The following PBX3 variants were observed in gnomAD, a reference collection of about 807,000 sequenced individuals.
PBX3 encodes the protein pre-B-cell leukemia transcription factor 3.
Under a neutral mutation model 48.5 loss-of-function variants are expected in PBX3, and 14 were observed. That is an observed-to-expected ratio of 0.29 (90% CI 0.19 to 0.45). PBX3 has a LOEUF of 0.45. Among genes scored for constraint, PBX3 ranks in the 20% least tolerant of loss-of-function variants. The pLI, the probability that PBX3 is intolerant of heterozygous loss-of-function variation, is 1.00. For missense variants in PBX3, 386 were observed against 546.7 expected, an observed-to-expected ratio of 0.71 and a Z score of 2.93; for synonymous variants, 210 against 200.3, an observed-to-expected ratio of 1.05 and a Z score of -0.41.
chr9:125,752,018 T>C (rs1836389658), intron 2 of PBX3, among the ~76,000 whole-genome samples: 2 of 152,164 alleles, frequency 1.3e-5, no homozygotes, highest in Admixed American at 1.3e-4. Context: ...TCCCACATTT[T>C]AGTAGATAAT....
intron 2 of PBX3, among the ~76,000 whole-genome samples, chr9:125,785,422 C>T (rs1364309766): frequency 6.6e-6 from 1 of 152,168 alleles, no homozygotes; most frequent in Non-Finnish European, 1.5e-5. Context: ...TCATCTTTCT[C>T]CCATGCTGGA....
intron 2 of PBX3, among the ~76,000 whole-genome samples, chr9:125,791,758 A>AC (rs1429471136): frequency 6.6e-6 from 1 of 151,352 alleles, no homozygotes; most frequent in Non-Finnish European, 1.5e-5. Context: ...ACACGGTGAA[A>AC]CCCCGTCTCT....
chr9:125,802,675 T>G (rs1377713458), intron 2 of PBX3, among the ~76,000 whole-genome samples: 1 of 13,930 alleles, frequency 7.2e-5, no homozygotes, highest in African/African-American at 6.4e-4. Context: ...GGCCAATACA[T>G]TTTTTTTTTG....
intron 2 of PBX3, among the ~76,000 whole-genome samples, chr9:125,847,992 G>A (rs1839472511): frequency 6.6e-6 from 1 of 151,994 alleles, no homozygotes; most frequent in Admixed American, 6.6e-5. Context: ...ATGGTGAATT[G>A]AGTAAGTGCT....
At chr9:125,855,895 G>T (rs887806568) in intron 2 of PBX3, among the ~76,000 whole-genome samples, 1 of 151,986 alleles carries the variant, frequency 6.6e-6, no homozygotes, top group Non-Finnish European at 1.5e-5. Context: ...TTACAACATT[G>T]TCTGCTGTAA....
intron 2 of PBX3, among the ~76,000 whole-genome samples, chr9:125,760,213 C>T (rs1355380840): frequency 6.6e-6 from 1 of 152,198 alleles, no homozygotes; most frequent in Non-Finnish European, 1.5e-5. Context: ...TAAAGTTCAT[C>T]TCAACATTTT....
intron 2 of PBX3, among the ~76,000 whole-genome samples, chr9:125,849,672 C>G (rs140541289): frequency 2.0e-4 from 30 of 151,934 alleles, no homozygotes; most frequent in Middle Eastern, 3.4e-3. Flanking sequence ...CACATAAAAT[C>G]ATGATGAGTC....
intron 2 of PBX3, among the ~76,000 whole-genome samples, chr9:125,766,964 T>G (rs988626674): frequency 2.0e-5 from 3 of 152,178 alleles, no homozygotes; most frequent in African/African-American, 7.2e-5. Flanking sequence ...ATTGCTATAG[T>G]TTTTTGTTCT....
chr9:125,792,636 TA>T (rs1485932709), intron 2 of PBX3, among the ~76,000 whole-genome samples: 2 of 151,832 alleles, frequency 1.3e-5, no homozygotes, highest in Non-Finnish European at 2.9e-5. Context: ...TAGTTTTTCA[TA>T]AACAAAAAAT....
At chr9:125,813,302 CACACATTGGCA>C (rs1838350888) in intron 2 of PBX3, among the ~76,000 whole-genome samples, 1 of 151,642 alleles carries the variant, frequency 6.6e-6, no homozygotes, top group African/African-American at 2.4e-5. Flanking sequence ...CCAAGCCAAA[CACACATTGGCA>C]TAGGCCAATG....
intron 2 of PBX3, among the ~76,000 whole-genome samples, chr9:125,853,380 T>C (rs2132267160): frequency 6.6e-6 from 1 of 152,340 alleles, no homozygotes; most frequent in South Asian, 2.1e-4. Context: ...ATTTTTTTAC[T>C]GGACTTCTCT....
chr9:125,868,088 T>G (rs1452472959), intron 2 of PBX3, among the ~76,000 whole-genome samples: 1 of 152,094 alleles, frequency 6.6e-6, no homozygotes, highest in Non-Finnish European at 1.5e-5. Flanking sequence ...TTGTCCAGGC[T>G]GGTCTCAAAC....
chr9:125,897,432 G>A (rs969719855), intron 2 of PBX3, among the ~76,000 whole-genome samples: 3 of 151,704 alleles, frequency 2.0e-5, no homozygotes, highest in Non-Finnish European at 2.9e-5. Context: ...TTTTGGATTG[G>A]CAAATGATCT....
chr9:125,793,245 G>A (rs1031769389), intron 2 of PBX3, among the ~76,000 whole-genome samples: 2 of 150,134 alleles, frequency 1.3e-5, no homozygotes, highest in African/African-American at 2.4e-5. Context: ...CCAGCTACTC[G>A]GGATGCTGAG....
chr9:125,811,584 C>G (rs1219211184), intron 2 of PBX3, among the ~76,000 whole-genome samples: 1 of 152,146 alleles, frequency 6.6e-6, no homozygotes, highest in Non-Finnish European at 1.5e-5. Context: ...TGAGGCCTCC[C>G]CAGCCATGTG....
Position 125,759,018 on chromosome 9 carries a change from C to T in PBX3, c.274+10395C>T, listed in dbSNP as rs537017401. 7.2e-5 allele frequency among the ~76,000 whole-genome samples: 11 copies of T among 152,094 alleles called. No individual in the cohort carries two copies. The highest frequency in any genetic ancestry group is 1.2e-4 in the Non-Finnish European group (8 of 67,986). On this transcript the variant is annotated intron_variant, in intron 2 of 8. Coordinates refer to ENST00000373489, the MANE Select transcript of PBX3 (RefSeq NM_006195.6). This position sits in a 1 kb window ranked among gnomAD's most constrained non-coding sequence, Gnocchi z 4.2. ...TCCCTGATCCCATAGTGAGTGACAC[C>T]CCAGGCTGTCTTTGCTTCAGAGGTG...
At chr9:125,786,229 T>A (rs929904184) in intron 2 of PBX3, among the ~76,000 whole-genome samples, 6 of 152,162 alleles carry the variant, frequency 3.9e-5, no homozygotes, top group Non-Finnish European at 7.4e-5. Flanking sequence ...AGAGGAGATT[T>A]GAGCTACACA....
chr9:125,929,941 T>C, intron 4 of PBX3, 96 bp downstream of exon 4: 1 of 904,520 alleles, frequency 1.1e-6, no homozygotes, highest in South Asian at 1.6e-5. Context: ...CTTAGATTCT[T>C]TTGGCCATAT....
chr9:125,838,619 A>G (rs1208784275), intron 2 of PBX3, among the ~76,000 whole-genome samples: 1 of 152,244 alleles, frequency 6.6e-6, no homozygotes, highest in Non-Finnish European at 1.5e-5. Flanking sequence ...CAGTTTACCT[A>G]CATAAATGTA....
Sources: gnomAD v4.1 joint callset for allele counts (sites outside exome capture counted in the v4.1 genomes callset) on GRCh38, gnomAD v4.1.1 for gene constraint, Gnocchi (gnomAD v3.1) non-coding constraint, MANE v1.5 for transcripts, NCBI Gene and HGNC (gene_info 2026-07-23, HGNC 2026-07-21) for gene names.